Variants in TIMM23B observed in about 807,000 individuals in gnomAD.
TIMM23B encodes the protein mitochondrial import inner membrane translocase subunit Tim23B.
TIMM23B carries 27 observed loss-of-function variants against 27.3 expected under a neutral mutation model. That is an observed-to-expected ratio of 0.99 (90% CI 0.73 to 1.36). The LOEUF (loss-of-function observed/expected upper bound fraction) is 1.36, where lower values mean the gene tolerates loss of function less well. Among genes scored for constraint, TIMM23B ranks in the 40% most tolerant of loss-of-function variants. The pLI, the probability that TIMM23B is intolerant of heterozygous loss-of-function variation, is 0.00. For missense variants in TIMM23B, 205 were observed against 244.2 expected, an observed-to-expected ratio of 0.84 and a Z score of 1.07; for synonymous variants, 73 against 92.4, an observed-to-expected ratio of 0.79 and a Z score of 1.21.
chr10:49,965,967 T>C (rs1311449832), intron 6 of TIMM23B, among the ~76,000 whole-genome samples: 1 of 142,890 alleles, frequency 7.0e-6, no homozygotes, highest in Non-Finnish European at 1.5e-5. Flanking sequence ...AATAATGAAA[T>C]GCTGGGTGAA....
At chr10:49,971,301 G>A (rs1199214304) in intron 6 of TIMM23B, among the ~76,000 whole-genome samples, 84 of 145,790 alleles carry the variant, frequency 5.8e-4, no homozygotes, top group African/African-American at 1.9e-3. Flanking sequence ...CCCCTTCTCC[G>A]AGAAACACCC....
chr10:49,973,031 T>G lies in TIMM23B; in HGVS notation c.534T>G (p.Asp178Glu), dbSNP rs529842584. ...TTTTAGTGTCAGAGATGGCTTTGGA[T>G]TCCCCGTTCTGTGTGCTGCTGTCTG... ...YKCTVSEMAL[D>E]SPFCVLLSGS Residue 178 changes from aspartate (D) to glutamate (E), a missense_variant, in exon 7 of 7, where the codon GAT becomes GAG. Asp to Glu is a conservative substitution (Grantham distance 45, BLOSUM62 2). Coordinates refer to ENST00000651259, the MANE Select transcript of TIMM23B (RefSeq NM_001290117.2). The G allele has an allele frequency of 6.0e-5, 92 of 1,532,320 alleles. 1 individual carries two copies. In the African/African-American group the frequency reaches 9.6e-4, roughly 16 times the overall value. 94.9% of individuals were successfully genotyped at this position (1,532,320 alleles called of 1,614,324 possible). A position where few individuals can be genotyped will look rare whatever the true frequency, so the allele number is the denominator to read the frequency against.
At chr10:49,942,438 G>A (rs1471292469) in intron 1 of TIMM23B, 138 bp downstream of exon 1, 16 of 1,468,186 alleles carry the variant, frequency 1.1e-5, no homozygotes, top group Non-Finnish European at 1.2e-5. Context: ...GGTGGGGTTA[G>A]TGTATCTGCA....
intron 2 of TIMM23B, among the ~76,000 whole-genome samples, chr10:49,946,960 A>G (rs1839372058): frequency 6.6e-6 from 1 of 152,206 alleles, no homozygotes; most frequent in African/African-American, 2.4e-5. Context: ...AGTTAATGAA[A>G]TACAGAGTCC....
At chr10:49,943,575 A>G (rs1183223534) in intron 1 of TIMM23B, among the ~76,000 whole-genome samples, 1 of 151,892 alleles carries the variant, frequency 6.6e-6, no homozygotes, top group African/African-American at 2.4e-5. Context: ...TGAGTTTCAG[A>G]GCACAAAGGG....
chr10:49,951,249 A>G (rs1371457435), intron 2 of TIMM23B, among the ~76,000 whole-genome samples: 1 of 152,156 alleles, frequency 6.6e-6, no homozygotes, highest in African/African-American at 2.4e-5. Flanking sequence ...ATTTGCCACA[A>G]GGATGTAGGA....
rs567538514 is a variant in TIMM23B at position 49,971,072 on chromosome 10, G to T, written c.515-1940G>T. On this transcript the variant is annotated intron_variant, in intron 6 of 6. Transcript: ENST00000651259. ...GAAACATGTGCTGTGTCCACTCAGGGTTAAATGGATTAAGAGCGGTGCAAG... is the reference window on the plus strand; with the variant it reads ...GAAACATGTGCTGTGTCCACTCAGGTTTAAATGGATTAAGAGCGGTGCAAG... Among the ~76,000 whole-genome samples, 439 of 152,232 alleles carry T rather than the reference G, an allele frequency of 2.9e-3. 3 individuals carry two copies. The highest frequency in any genetic ancestry group is 0.01 in the African/African-American group (419 of 41,542).
At chr10:49,955,649 T>G (rs1481829332) in intron 5 of TIMM23B, among the ~76,000 whole-genome samples, 1 of 152,240 alleles carries the variant, frequency 6.6e-6, no homozygotes, top group Non-Finnish European at 1.5e-5. Context: ...AGATCTCTTA[T>G]GGCTTATGTC....
intron 6 of TIMM23B, chr10:49,972,793 C>T: frequency 1.7e-6 from 1 of 579,268 alleles, no homozygotes; most frequent in Non-Finnish European, 3.0e-6. Context: ...GGCGAATAAG[C>T]AAGAGTTCTT....
intron 6 of TIMM23B, among the ~76,000 whole-genome samples, chr10:49,969,195 T>C (rs1245884559): frequency 2.0e-5 from 3 of 152,256 alleles, no homozygotes; most frequent in Admixed American, 2.0e-4. Flanking sequence ...TGGTAGCTCA[T>C]GTCTATAATC....
intron 2 of TIMM23B, among the ~76,000 whole-genome samples, chr10:49,951,864 T>G (rs1194489185): frequency 6.6e-6 from 1 of 152,232 alleles, no homozygotes; most frequent in Non-Finnish European, 1.5e-5. Context: ...TTCTAAACAC[T>G]TTTGCACAAA....
intron 2 of TIMM23B, among the ~76,000 whole-genome samples, chr10:49,945,338 A>G (rs1439676696): frequency 6.6e-6 from 1 of 152,200 alleles, no homozygotes; most frequent in Non-Finnish European, 1.5e-5. Flanking sequence ...CAATAAAAGT[A>G]TTGGGATGCC....
chr10:49,946,299 C>T (rs1406625747), intron 2 of TIMM23B, among the ~76,000 whole-genome samples: 268 of 151,732 alleles, frequency 1.8e-3, no homozygotes, highest in Non-Finnish European at 2.8e-3. Flanking sequence ...ATGCCTTCTC[C>T]CTAAGATCAG....
chr10:49,967,342 A>G (rs1239914299), intron 6 of TIMM23B, among the ~76,000 whole-genome samples: 3 of 152,236 alleles, frequency 2.0e-5, no homozygotes, highest in African/African-American at 7.2e-5. Flanking sequence ...AGAGTGCCTA[A>G]GGTCATTTCC....
chr10:49,966,739 C>T (rs192486032), intron 6 of TIMM23B, among the ~76,000 whole-genome samples: 6 of 152,042 alleles, frequency 3.9e-5, no homozygotes, highest in Admixed American at 2.0e-4. Flanking sequence ...AGAGGAGAAT[C>T]GCTTGAACCC....
chr10:49,950,186 T>C (rs1224482029), intron 2 of TIMM23B, among the ~76,000 whole-genome samples: 2 of 150,784 alleles, frequency 1.3e-5, no homozygotes, highest in East Asian at 3.9e-4. Context: ...AATTATAAAT[T>C]AAAAAAGTTT....
chr10:49,942,295 TC>T lies in TIMM23B; in HGVS notation c.104del (p.Pro35ArgfsTer2). The T allele has an allele frequency of 6.2e-7, 1 of 1,610,294 alleles. No individual in the cohort carries two copies. The highest frequency in any genetic ancestry group is 1.1e-5 in the South Asian group (1 of 90,436). ...TACTCGCACGCGGATTTGGCTGGCG[TC>T]CCGCGTAAGTATGGGGCCTAGCTTG... is the stretch of plus-strand genomic sequence containing the variant. ...AGYSHADLAGVPLTGMNPLCP... is the reference protein window; with the variant it reads ...AGYSHADLAGXPLTGMNPLCP... On this transcript the variant is annotated frameshift_variant, in exon 1 of 7. Coordinates refer to ENST00000651259, the MANE Select transcript of TIMM23B (RefSeq NM_001290117.2). LOFTEE classifies it high-confidence loss of function.
Position 49,942,270 on chromosome 10 carries a change from T to A in TIMM23B, c.76T>A (p.Tyr26Asn). 1 of 1,612,700 alleles carries A rather than the reference T, an allele frequency of 6.2e-7. No individual in the cohort carries two copies. Among genetic ancestry groups the A allele is most frequent in the Non-Finnish European group, 8.5e-7 (1 of 1,179,316 alleles). The change falls in exon 1 of 7, where the codon TAC (tyrosine) becomes AAC (asparagine). Residue 26 changes from tyrosine (Y) to asparagine (N), a missense_variant. Tyr to Asn is a moderately radical substitution (Grantham distance 143, BLOSUM62 -2). Coordinates refer to ENST00000651259, the MANE Select transcript of TIMM23B (RefSeq NM_001290117.2). ...AGFFGAGEAG[Y>N]SHADLAGVPL... ...CTTTTTCGGAGCCGGCGAAGCAGGT[T>A]ACTCGCACGCGGATTTGGCTGGCGT...
intron 2 of TIMM23B, among the ~76,000 whole-genome samples, chr10:49,950,867 C>T (rs1839508813): frequency 6.6e-6 from 1 of 152,222 alleles, no homozygotes; most frequent in East Asian, 1.9e-4. Flanking sequence ...AATTAGTGAT[C>T]TGTTTCTGTA....
Sources: allele counts gnomAD v4.1 joint callset (sites outside exome capture counted in the v4.1 genomes callset), GRCh38; gene constraint gnomAD v4.1.1; transcripts MANE v1.5; gene names NCBI Gene and HGNC (gene_info 2026-07-23, HGNC 2026-07-21).